The following DTX3 variants were observed in gnomAD, a reference collection of about 807,000 sequenced individuals.
The protein encoded by DTX3 is deltex E3 ubiquitin ligase 3.
Under a neutral mutation model 27.4 loss-of-function variants are expected in DTX3, and 10 were observed. The observed-to-expected ratio is 0.36, with a 90% confidence interval of 0.22 to 0.62. DTX3 has a LOEUF of 0.62. Ranked by LOEUF, DTX3 falls within the 20% of genes least tolerant of loss-of-function variation. DTX3 has a pLI of 0.68. For synonymous variants in DTX3, 171 were observed against 190.7 expected (o/e 0.90, Z 0.85); for missense variants, 319 against 463.8 (o/e 0.69, Z 2.87).
In DTX3 at chr12:57,606,935, C is replaced by A. The variant is rs367737963; in HGVS notation, c.72C>A (p.Pro24=). The change falls in exon 5 of 7, where the codon CCC becomes CCA. Residue 24 remains proline (P), a synonymous_variant. Coordinates refer to ENST00000337737, the MANE Select transcript of DTX3 (RefSeq NM_178502.4). ...AGAACAAAGTGACTGTGTCCAAGCC[C>A]GTGTGGGACTTCCTGAGCAAAGAGA... ...TCKNKVTVSK[P]VWDFLSKETP... is the part of the protein sequence containing the mutation. 1 of 1,614,068 alleles carries A rather than the reference C, an allele frequency of 6.2e-7. No individual in the cohort carries two copies. Among genetic ancestry groups the A allele is most frequent in the Non-Finnish European group, 8.5e-7 (1 of 1,180,036 alleles).
rs1883883217 is a variant in DTX3 at position 57,608,933 on chromosome 12, G to A, written c.969-144G>A. On this transcript the variant is annotated intron_variant, in intron 6 of 6. Transcript: ENST00000337737. This position sits in a 1 kb window ranked among gnomAD's most constrained non-coding sequence, Gnocchi z 6.1. ...TTAGCCTACAAAAATAAGCAGAACT[G>A]GGCTAAATTATCTTGGATTTGGAGG... The A allele has an allele frequency of 9.4e-7, 1 of 1,064,490 alleles. No homozygotes were observed. The highest frequency in any genetic ancestry group is 2.0e-5 in the Admixed American group (1 of 50,160). The allele number at this position is 1,064,490 out of a possible 1,614,324, so 65.9% of individuals were successfully genotyped here. A position where few individuals can be genotyped will look rare whatever the true frequency, so the allele number is the denominator to read the frequency against.
In DTX3 at chr12:57,609,236, C is replaced by T; in HGVS notation, c.*84C>T. 1 of 1,268,044 alleles carries T rather than the reference C, an allele frequency of 7.9e-7. No individual in the cohort carries two copies. The highest frequency in any genetic ancestry group is 1.2e-5 in the South Asian group (1 of 80,678). The allele number at this position is 1,268,044 out of a possible 1,614,324, so 78.5% of individuals were successfully genotyped here. A position where few individuals can be genotyped will look rare whatever the true frequency, so the allele number is the denominator to read the frequency against. On this transcript the variant is annotated 3_prime_UTR_variant, in exon 7 of 7. Transcript: ENST00000337737. ...CTCTTTCTCCTCTCTGCCCCCTGCCCCCCACACCACACCTGTAGGGGACCT... is the reference window on the plus strand; with the variant it reads ...CTCTTTCTCCTCTCTGCCCCCTGCCTCCCACACCACACCTGTAGGGGACCT...
Position 57,608,740 on chromosome 12 carries a change from G to A in DTX3, c.968+3G>A. Reference sequence around the variant, plus strand: ...AGCTGCACAGGGGGACCCCAGCTGTGCGACCCCTCTTCATTTCCTTTCCCT... The same window carrying A: ...AGCTGCACAGGGGGACCCCAGCTGTACGACCCCTCTTCATTTCCTTTCCCT... On this transcript the variant is annotated splice_donor_region_variant and intron_variant, in intron 6 of 6. Coordinates refer to ENST00000337737, the MANE Select transcript of DTX3 (RefSeq NM_178502.4). The surrounding 1 kb of genome is among the most constrained non-coding windows in gnomAD (Gnocchi z 6.1). The A allele has an allele frequency of 6.2e-7, 1 of 1,613,910 alleles. No homozygotes were observed. Among genetic ancestry groups the A allele is most frequent in the Non-Finnish European group, 8.5e-7 (1 of 1,179,932 alleles).
At chr12:57,606,747 G>A (rs1883738357) in intron 4 of DTX3, 118 bp from the exon 5 acceptor site, 2 of 1,427,772 alleles carry the variant, frequency 1.4e-6, no homozygotes, top group Non-Finnish European at 9.5e-7. Flanking sequence ...GAAGGGTTGG[G>A]GATTAGGCTT....
Position 57,609,745 on chromosome 12 carries a change from A to G in DTX3, c.*593A>G, listed in dbSNP as rs917133293. ...AGGAACCTCCTTACCCTGTTCTGGAATCGCTGCCAGACTGTAGCTTTTAAT... is the reference window on the plus strand; with the variant it reads ...AGGAACCTCCTTACCCTGTTCTGGAGTCGCTGCCAGACTGTAGCTTTTAAT... On this transcript the variant is annotated 3_prime_UTR_variant, in exon 7 of 7. Coordinates refer to ENST00000337737, the MANE Select transcript of DTX3 (RefSeq NM_178502.4). The G allele has an allele frequency of 6.4e-6, 1 of 157,264 alleles. No homozygotes were observed. The highest frequency in any genetic ancestry group is 1.4e-5 in the Non-Finnish European group (1 of 71,048). 9.7% of individuals were successfully genotyped at this position (157,264 alleles called of 1,614,324 possible). A position where few individuals can be genotyped will look rare whatever the true frequency, so the allele number is the denominator to read the frequency against.
chr12:57,609,305 TC>T lies in DTX3; in HGVS notation c.*158del, dbSNP rs573974307. On this transcript the variant is annotated 3_prime_UTR_variant, in exon 7 of 7. Transcript: ENST00000337737. ...TTCCGAGAGGGAGGGGGCAATCCCTTCCCCCATCCCCCACTGGCCAAGTGTT... is the reference window on the plus strand; with the variant it reads ...TTCCGAGAGGGAGGGGGCAATCCCTTCCCCATCCCCCACTGGCCAAGTGTT... 1.0e-5 allele frequency: 7 copies of T among 672,108 alleles called. No homozygotes were observed. The highest frequency in any genetic ancestry group is 5.5e-5 in the East Asian group (2 of 36,430). 41.6% of individuals were successfully genotyped at this position (672,108 alleles called of 1,614,324 possible). A position where few individuals can be genotyped will look rare whatever the true frequency, so the allele number is the denominator to read the frequency against.
rs962608468 is a variant in DTX3 at position 57,606,793 on chromosome 12, C to G, written c.2-72C>G. On this transcript the variant is annotated intron_variant, in intron 4 of 6. Coordinates refer to ENST00000337737, the MANE Select transcript of DTX3 (RefSeq NM_178502.4). ...GAGGTAATAGAGGGTTTGGAAGGAA[C>G]CTGAAGTAGGAGGCACTGATACTTG... 4.6e-6 allele frequency: 7 copies of G among 1,524,688 alleles called. No homozygotes were observed. The Admixed American group carries it at 1.5e-4, about 32-fold the overall frequency. 94.4% of individuals were successfully genotyped at this position (1,524,688 alleles called of 1,614,324 possible). A position where few individuals can be genotyped will look rare whatever the true frequency, so the allele number is the denominator to read the frequency against.
rs994906112 is a variant in DTX3, at chr12:57,608,500, C to G, written c.751-20C>G. 1.9e-6 allele frequency: 3 copies of G among 1,581,008 alleles called. No homozygotes were observed. Among genetic ancestry groups the G allele is most frequent in the East Asian group, 4.5e-5 (2 of 44,386 alleles). On this transcript the variant is annotated intron_variant, in intron 5 of 6. Coordinates refer to ENST00000337737, the MANE Select transcript of DTX3 (RefSeq NM_178502.4). The surrounding 1 kb of genome is among the most constrained non-coding windows in gnomAD (Gnocchi z 6.1). The stretch of plus-strand genomic sequence containing the variant: ...GATGCCTGGCTGCTCACTGCCCACT[C>G]TGCTTCACCTTCCTCCCAGGCTGAA...
Position 57,609,144 on chromosome 12 carries a change from G to A in DTX3, c.1036G>A (p.Asp346Asn). ...QEELRAKGIT[D>N]D ...GGAGCTGAGAGCGAAGGGTATCACA[G>A]ATGACTGAAGGACATCGCCTTTGCC... is the stretch of plus-strand genomic sequence containing the variant. Residue 346 changes from aspartate (D) to asparagine (N), a missense_variant, in exon 7 of 7, where the codon GAT becomes AAT. Physicochemically the swap from Asp to Asn is conservative, Grantham distance 23. Transcript: ENST00000337737. 6.2e-7 allele frequency: 1 copy of A among 1,614,154 alleles called. No individual in the cohort carries two copies. The highest frequency in any genetic ancestry group is 2.2e-5 in the East Asian group (1 of 44,878).
chr12:57,607,651 C>T lies in DTX3; in HGVS notation c.750+38C>T. ...TGGCCTGCCCTTACCCTTTGGCTTT[C>T]CCCAAGCTCTGACCTAGGAAAACCG... On this transcript the variant is annotated intron_variant, in intron 5 of 6. Coordinates refer to ENST00000337737, the MANE Select transcript of DTX3 (RefSeq NM_178502.4). The surrounding 1 kb of genome is among the most constrained non-coding windows in gnomAD (Gnocchi z 7.7). 6.2e-7 allele frequency: 1 copy of T among 1,613,480 alleles called. No homozygotes were observed. Among genetic ancestry groups the T allele is most frequent in the Non-Finnish European group, 8.5e-7 (1 of 1,179,726 alleles).
chr12:57,607,163 G>A lies in DTX3; in HGVS notation c.300G>A (p.Gly100=), dbSNP rs898308616. The A allele has an allele frequency of 4.3e-6, 7 of 1,613,872 alleles. No homozygotes were observed. The highest frequency in any genetic ancestry group is 2.5e-6 in the Non-Finnish European group (3 of 1,180,036). Residue 100 remains glycine, a synonymous_variant, in exon 5 of 7, where the codon GGG becomes GGA. Transcript: ENST00000337737. The surrounding 1 kb of genome is among the most constrained non-coding windows in gnomAD (Gnocchi z 7.7). ...AGCTGAAGAAAGCTCAGAGGCAGGG[G>A]GAGCTGATGGGCTGCCTGGCTCTGG... is the stretch of plus-strand genomic sequence containing the variant. ...EKELKKAQRQ[G]ELMGCLALGG... is the part of the protein sequence containing the mutation.
In DTX3 at chr12:57,607,192, G is replaced by A; in HGVS notation, c.329G>A (p.Gly110Asp). The change falls in exon 5 of 7, where the codon GGT (glycine) becomes GAT (aspartate). Residue 110 changes from glycine (G) to aspartate (D), a missense_variant. Gly to Asp is a moderately conservative substitution (Grantham distance 94, BLOSUM62 -1). Transcript: ENST00000337737. The surrounding 1 kb of genome is among the most constrained non-coding windows in gnomAD (Gnocchi z 7.7). ...CTGATGGGCTGCCTGGCTCTGGGGG[G>A]TGGAGGGGAGCACCCTGAGATGCAC... ...GELMGCLALG[G>D]GGEHPEMHRA... 1.2e-6 allele frequency: 2 copies of A among 1,613,290 alleles called. No homozygotes were observed. The highest frequency in any genetic ancestry group is 1.7e-5 in the Admixed American group (1 of 60,022).
rs375473479 is a variant in DTX3 at position 57,608,561 on chromosome 12, A to T, written c.792A>T (p.Thr264=). 1 of 1,610,748 alleles carries T rather than the reference A, an allele frequency of 6.2e-7. No homozygotes were observed. Among genetic ancestry groups the T allele is most frequent in the African/African-American group, 1.3e-5 (1 of 74,890 alleles). ...CAGGAGTTCGGTATCCTGGCACCAC[A>T]CGGGTGGCCTACCTCCCGGACTGCC... The part of the protein sequence containing the change: ...PNPGVRYPGT[T]RVAYLPDCPE... The change falls in exon 6 of 7, where the codon ACA becomes ACT. Residue 264 remains threonine (T), a synonymous_variant. Coordinates refer to ENST00000337737, the MANE Select transcript of DTX3 (RefSeq NM_178502.4). This position sits in a 1 kb window ranked among gnomAD's most constrained non-coding sequence, Gnocchi z 6.1.
Position 57,609,130 on chromosome 12 carries a change from C to T in DTX3, c.1022C>T (p.Ala341Val), listed in dbSNP as rs748571053. The T allele has an allele frequency of 1.2e-5, 19 of 1,614,032 alleles. No individual in the cohort carries two copies. The highest frequency in any genetic ancestry group is 1.7e-5 in the Admixed American group (1 of 60,006). The change falls in exon 7 of 7, where the codon GCG becomes GTG. Residue 341 changes from alanine (A) to valine (V), a missense_variant. By Grantham distance (64) the Ala-to-Val change is moderately conservative. This residue lies in a region of DTX3 where 117 missense variants were observed against 258.5 expected (regional missense o/e 0.45). Coordinates refer to ENST00000337737, the MANE Select transcript of DTX3 (RefSeq NM_178502.4). ...ACCCGGGTGCAAGAGGAGCTGAGAGCGAAGGGTATCACAGATGACTGAAGG... is the reference window on the plus strand; with the variant it reads ...ACCCGGGTGCAAGAGGAGCTGAGAGTGAAGGGTATCACAGATGACTGAAGG... ...YLTRVQEELRAKGITDD is the reference protein window; with the variant it reads ...YLTRVQEELRVKGITDD
rs1883727561 is a variant in DTX3 at position 57,606,513 on chromosome 12, A to G, written c.-5A>G. ...GCATGCCAATTCTAAGCTCTTCAGG[A>G]TCAAAGTAAGCAAAAAGGAGGGGCA... On this transcript the variant is annotated 5_prime_UTR_variant, in exon 4 of 7. Transcript: ENST00000337737. The G allele has an allele frequency of 6.2e-7, 1 of 1,613,944 alleles. No individual in the cohort carries two copies. The highest frequency in any genetic ancestry group is 8.5e-7 in the Non-Finnish European group (1 of 1,180,012).
rs1883902235 is a variant in DTX3 at position 57,609,182 on chromosome 12, G to A, written c.*30G>A. On this transcript the variant is annotated 3_prime_UTR_variant, in exon 7 of 7. Transcript: ENST00000337737. ...CATCGCCTTTGCCAAGGCCCCTGCT[G>A]TCTGCCTCTACTAGGACCCAGCAGA... 1 of 1,608,738 alleles carries A rather than the reference G, an allele frequency of 6.2e-7. No homozygotes were observed. Among genetic ancestry groups the A allele is most frequent in the Admixed American group, 1.7e-5 (1 of 59,944 alleles).
Position 57,607,600 on chromosome 12 carries a change from C to T in DTX3, c.737C>T (p.Pro246Leu). ...ATTGTCATCCAGTACGTCTTCCCGC[C>T]CGGTGTCCAGGGGGTAAGAAGACCA... Reference protein sequence around the residue: ...GTIVIQYVFPPGVQGAEHPNP... With the variant: ...GTIVIQYVFPLGVQGAEHPNP... Residue 246 changes from proline to leucine, a missense_variant, in exon 5 of 7, where the codon CCC (proline) becomes CTC (leucine). Physicochemically the swap from Pro to Leu is moderately conservative, Grantham distance 98 (BLOSUM62 -3). Coordinates refer to ENST00000337737, the MANE Select transcript of DTX3 (RefSeq NM_178502.4). This position sits in a 1 kb window ranked among gnomAD's most constrained non-coding sequence, Gnocchi z 7.7. The T allele has an allele frequency of 6.2e-7, 1 of 1,614,132 alleles. No individual in the cohort carries two copies.
chr12:57,609,433 T>G lies in DTX3; in HGVS notation c.*281T>G. On this transcript the variant is annotated 3_prime_UTR_variant, in exon 7 of 7. Transcript: ENST00000337737. Reference sequence around the variant, plus strand: ...ACTCCCGGTTTCCCTGCCCCTCCATTGCCCTTGGCTTTTTCTGGTATGTGC... The same window carrying G: ...ACTCCCGGTTTCCCTGCCCCTCCATGGCCCTTGGCTTTTTCTGGTATGTGC... The G allele has an allele frequency of 2.3e-6, 1 of 429,516 alleles. No homozygotes were observed. The highest frequency in any genetic ancestry group is 4.3e-6 in the Non-Finnish European group (1 of 232,422). The allele number at this position is 429,516 out of a possible 1,614,324, so 26.6% of individuals were successfully genotyped here. A position where few individuals can be genotyped will look rare whatever the true frequency, so the allele number is the denominator to read the frequency against.
chr12:57,608,412 T>G lies in DTX3; in HGVS notation c.751-108T>G. On this transcript the variant is annotated intron_variant, in intron 5 of 6. Coordinates refer to ENST00000337737, the MANE Select transcript of DTX3 (RefSeq NM_178502.4). This position sits in a 1 kb window ranked among gnomAD's most constrained non-coding sequence, Gnocchi z 6.1. ...TCAGCCTGTTGCTGCCCCGTTCGCA[T>G]TAGCTGGGGGTGCTCAGACAGAGAC... is the stretch of plus-strand genomic sequence containing the variant. 1 of 992,632 alleles carries G rather than the reference T, an allele frequency of 1.0e-6. No homozygotes were observed. 61.5% of individuals were successfully genotyped at this position (992,632 alleles called of 1,614,324 possible). A position where few individuals can be genotyped will look rare whatever the true frequency, so the allele number is the denominator to read the frequency against.
Sources: allele counts gnomAD v4.1 joint callset, GRCh38; gene constraint gnomAD v4.1.1; regional missense constraint gnomAD v4.1.1; non-coding constraint Gnocchi (gnomAD v3.1); transcripts MANE v1.5; gene names NCBI Gene and HGNC (gene_info 2026-07-23, HGNC 2026-07-21).